The following RIN2 variants were observed in gnomAD, a reference collection of about 807,000 sequenced individuals.
RIN2 encodes RAB5 interacting protein 2.
Under a neutral mutation model 78.0 loss-of-function variants are expected in RIN2, and 36 were observed. The observed-to-expected ratio is 0.46, with a 90% CI of 0.35 to 0.61. The LOEUF (loss-of-function observed/expected upper bound fraction) is 0.61. Ranked by LOEUF, RIN2 falls within the 20% of genes least tolerant of loss-of-function variation. The probability of loss-of-function intolerance (pLI) is 0.00; values close to 1 mark genes in which losing one functional copy is unlikely to be tolerated. For synonymous variants in RIN2, 466 were observed against 466.8 expected (o/e 1.00, Z 0.02); for missense variants, 1,087 against 1,159.7 (o/e 0.94, Z 0.91).
At chr20:19,965,120 C>A in intron 7 of RIN2, 96 bp downstream of exon 7, 1 of 982,874 alleles carries the variant, frequency 1.0e-6, no homozygotes. Context: ...AGGCTGGCCA[C>A]CTATTTGATG....
chr20:19,992,035 C>T (rs924603027), intron 10 of RIN2, 133 bp from the exon 11 acceptor site: 6 of 1,013,770 alleles, frequency 5.9e-6, no homozygotes, highest in African/African-American at 4.9e-5. Context: ...ATTCCAGAAA[C>T]ACTCACCTCT....
chr20:19,999,694 G>A (rs189863689), intron 12 of RIN2, among the ~76,000 whole-genome samples: 2 of 152,272 alleles, frequency 1.3e-5, no homozygotes, highest in Admixed American at 6.5e-5. Context: ...GCCTGGTCTG[G>A]GCTTTGTATC....
chr20:19,902,056 CTG>C (rs2039012786), intron 3 of RIN2, among the ~76,000 whole-genome samples: 1 of 150,604 alleles, frequency 6.6e-6, no homozygotes, highest in Non-Finnish European at 1.5e-5. Context: ...AGCAAACACA[CTG>C]TTCCAGGCAT....
chr20:19,814,879 C>G (rs1232847595), intron 2 of RIN2, among the ~76,000 whole-genome samples: 1 of 152,128 alleles, frequency 6.6e-6, no homozygotes, highest in Non-Finnish European at 1.5e-5. Context: ...AGGTGTGAGC[C>G]ATCATGCCTG....
chr20:19,784,332 G>GTGTT (rs938285401), intron 1 of RIN2, among the ~76,000 whole-genome samples: 2 of 149,838 alleles, frequency 1.3e-5, no homozygotes, highest in Admixed American at 1.3e-4. Flanking sequence ...GTGTGTGTGT[G>GTGTT]TGTATGTGTG....
Position 19,974,955 on chromosome 20 carries a change from G to GCC in RIN2, c.934_935dup (p.Pro313ArgfsTer35). On this transcript the variant is annotated frameshift_variant, in exon 9 of 13. Transcript: ENST00000255006. LOFTEE classifies it high-confidence loss of function. ...AGCGGACTCGGTCCCCCCCACCCAG[G>GCC]CCCCCGCCACCCGCTATTAATAGTC... The GCC allele has an allele frequency of 4.0e-5, 60 of 1,516,622 alleles. No homozygotes were observed. The highest frequency in any genetic ancestry group is 4.7e-5 in the Non-Finnish European group (52 of 1,094,834). 93.9% of individuals were successfully genotyped at this position (1,516,622 alleles called of 1,614,324 possible).
chr20:19,931,593 A>G (rs1226012180), intron 3 of RIN2, among the ~76,000 whole-genome samples: 1 of 152,172 alleles, frequency 6.6e-6, no homozygotes, highest in Non-Finnish European at 1.5e-5. Flanking sequence ...AATATGCAAT[A>G]TGTAATGAGC....
intron 4 of RIN2, among the ~76,000 whole-genome samples, chr20:19,949,423 C>T (rs1242562157): frequency 6.6e-6 from 1 of 152,250 alleles, no homozygotes; most frequent in Non-Finnish European, 1.5e-5. Context: ...GGGCACAGCA[C>T]ACCTGCTGCC....
At position 19,996,740 on chromosome 20, in the gene RIN2, A is replaced by G. The variant is rs757758622; in HGVS notation, c.2262A>G (p.Glu754=). 2.5e-6 allele frequency: 4 copies of G among 1,613,942 alleles called. No individual in the cohort carries two copies. In the South Asian group the frequency reaches 3.3e-5, roughly 13 times the overall value. Reference sequence around the variant, plus strand: ...CTCTGATAAAGAATTTCCAAGAAGAACAAGCAGCGCGACTGCTCAGCTCAG... The same window carrying G: ...CTCTGATAAAGAATTTCCAAGAAGAGCAAGCAGCGCGACTGCTCAGCTCAG... ...ALSLIKNFQE[E]QAARLLSSET... is the part of the protein sequence containing the mutation. Residue 754 remains glutamate (E), a synonymous_variant, in exon 12 of 13, where the codon GAA becomes GAG. Transcript: ENST00000255006.
intron 8 of RIN2, among the ~76,000 whole-genome samples, chr20:19,974,259 A>G (rs1286685904): frequency 6.6e-6 from 1 of 152,206 alleles, no homozygotes; most frequent in African/African-American, 2.4e-5. Context: ...GTTGTTGGGA[A>G]AGGGTGGTGT....
intron 2 of RIN2, among the ~76,000 whole-genome samples, chr20:19,824,634 C>T (rs1340224460): frequency 2.0e-5 from 3 of 152,060 alleles, no homozygotes; most frequent in Admixed American, 2.0e-4. Flanking sequence ...TGGATCCTCC[C>T]TGTGTGACAT....
rs531806429 is a variant in RIN2 at position 19,946,132 on chromosome 20, T to C, written c.159-10483T>C. Among the ~76,000 whole-genome samples, 49 of 152,306 alleles carry C rather than the reference T, an allele frequency of 3.2e-4. No homozygotes were observed. The South Asian group carries it at 9.8e-3, about 30-fold the overall frequency. On this transcript the variant is annotated intron_variant, in intron 4 of 12. Coordinates refer to ENST00000255006, the MANE Select transcript of RIN2 (RefSeq NM_018993.4). The stretch of plus-strand genomic sequence containing the variant: ...GTCATGCCTAAAGCAGACCTTTTAT[T>C]AATTCCTGCACAGGGCTAGGCCTGA...
intron 3 of RIN2, among the ~76,000 whole-genome samples, chr20:19,926,340 A>G (rs1305929042): frequency 6.6e-6 from 1 of 152,154 alleles, no homozygotes; most frequent in Non-Finnish European, 1.5e-5. Context: ...ACACAAAGTT[A>G]AAAGAAAAGA....
At chr20:19,899,216 G>A (rs2038871216) in intron 3 of RIN2, among the ~76,000 whole-genome samples, 1 of 152,082 alleles carries the variant, frequency 6.6e-6, no homozygotes, top group Admixed American at 6.5e-5. Context: ...CTAGCTCTAT[G>A]TTTATTGACT....
chr20:19,818,630 G>T (rs940437048), intron 2 of RIN2, among the ~76,000 whole-genome samples: 8 of 151,902 alleles, frequency 5.3e-5, no homozygotes, highest in Admixed American at 2.6e-4. Flanking sequence ...TACTTGGGAG[G>T]CTGAGGCGGG....
At chr20:19,905,327 T>C (rs6046445) in intron 3 of RIN2, among the ~76,000 whole-genome samples, 102,094 of 152,032 alleles carry the variant, frequency 0.67, 34,695 homozygotes, top group East Asian at 0.96. Flanking sequence ...ACCTGACATA[T>C]GTGGAGTGGA....
At chr20:19,794,532 CAAAAAAAAAAAAAAA>C (rs10530809) in intron 1 of RIN2, among the ~76,000 whole-genome samples, 1 of 88,596 alleles carries the variant, frequency 1.1e-5, no homozygotes, top group African/African-American at 4.3e-5. Context: ...ACCCTGTATC[CAAAAAAAAAAAAAAA>C]AAAAAAAAAG....
At chr20:19,856,817 C>T (rs950270588) in intron 2 of RIN2, among the ~76,000 whole-genome samples, 16 of 152,200 alleles carry the variant, frequency 1.1e-4, no homozygotes, top group South Asian at 2.1e-4. Flanking sequence ...GCACCATGAG[C>T]GAGGTAGCTT....
intron 2 of RIN2, among the ~76,000 whole-genome samples, chr20:19,844,669 C>CCTCTTCTTCCTCTTCCT (rs1568807647): frequency 1.3e-5 from 1 of 76,166 alleles, no homozygotes; most frequent in African/African-American, 6.2e-5. Context: ...TCTTCTTCTT[C>CCTCTTCTTCCTCTTCCT]CTTCTTCTTC....
Sources: allele counts gnomAD v4.1 joint callset (sites outside exome capture counted in the v4.1 genomes callset), GRCh38; gene constraint gnomAD v4.1.1; transcripts MANE v1.5; gene names NCBI Gene and HGNC (gene_info 2026-07-23, HGNC 2026-07-21).